Variants in RCOR1 observed in about 807,000 individuals in gnomAD.
The protein encoded by RCOR1 is REST corepressor 1.
In RCOR1, 12 loss-of-function variants were observed where a neutral mutation model predicts 64.0. The observed-to-expected ratio is 0.19, with a 90% confidence interval of 0.12 to 0.30. The LOEUF (loss-of-function observed/expected upper bound fraction) is 0.30, where lower values mean the gene tolerates loss of function less well. Ranked by LOEUF, RCOR1 falls within the 10% of genes least tolerant of loss-of-function variation. The probability of loss-of-function intolerance (pLI) is 1.00; values close to 1 mark genes in which losing one functional copy is unlikely to be tolerated. For missense variants in RCOR1, 502 were observed against 621.2 expected, an observed-to-expected ratio of 0.81 and a Z score of 2.04; for synonymous variants, 279 against 227.2, an observed-to-expected ratio of 1.23 and a Z score of -2.05.
chr14:102,599,188 A>G (rs1279039212), intron 2 of RCOR1, among the ~76,000 whole-genome samples: 1 of 150,728 alleles, frequency 6.6e-6, no homozygotes, highest in African/African-American at 2.4e-5. Flanking sequence ...TAGTGGTGTG[A>G]TCATGGCGGC....
chr14:102,652,978 GC>G (rs1403606227), intron 2 of RCOR1, among the ~76,000 whole-genome samples: 1 of 152,068 alleles, frequency 6.6e-6, no homozygotes, highest in Non-Finnish European at 1.5e-5. Flanking sequence ...TTGTCGCCAG[GC>G]TGGAGTGCAG....
Position 102,592,724 on chromosome 14 carries a change from G to C in RCOR1, c.-163G>C. The C allele has an allele frequency of 1.6e-6, 2 of 1,225,010 alleles. No homozygotes were observed. Among genetic ancestry groups the C allele is most frequent in the Non-Finnish European group, 2.0e-6 (2 of 983,868 alleles). The allele number at this position is 1,225,010 out of a possible 1,614,324, so 75.9% of individuals were successfully genotyped here. ...GTCGCTGGGGGCTTGAAGCGGCTCC[G>C]CGCTCTGCCCGTTTGGGCCTCCCCC... On this transcript the variant is annotated 5_prime_UTR_variant, in exon 1 of 12. Coordinates refer to ENST00000262241, the MANE Select transcript of RCOR1 (RefSeq NM_015156.4).
At chr14:102,595,606 C>T (rs376062353) in intron 2 of RCOR1, among the ~76,000 whole-genome samples, 93 of 147,842 alleles carry the variant, frequency 6.3e-4, no homozygotes, top group African/African-American at 2.2e-3. Context: ...GAGACGGAGT[C>T]TTGCTCTGTC....
chr14:102,602,529 G>T (rs543627648), intron 2 of RCOR1, among the ~76,000 whole-genome samples: 1 of 151,364 alleles, frequency 6.6e-6, no homozygotes, highest in South Asian at 2.1e-4. Flanking sequence ...TCAGCCTCCC[G>T]TGTAGCTAGG....
At chr14:102,632,775 C>T (rs1478227717) in intron 2 of RCOR1, among the ~76,000 whole-genome samples, 1 of 94,110 alleles carries the variant, frequency 1.1e-5, no homozygotes, top group Non-Finnish European at 2.2e-5. Flanking sequence ...CTCCCCTCTC[C>T]TCCCCTCTCC....
At chr14:102,623,699 C>T (rs1049189184) in intron 2 of RCOR1, among the ~76,000 whole-genome samples, 11 of 151,544 alleles carry the variant, frequency 7.3e-5, no homozygotes, top group African/African-American at 2.4e-4. Context: ...TGAGCCACAG[C>T]GCCTGGCCAA....
At chr14:102,662,424 GTGTCTTGT>G in intron 2 of RCOR1, 1 of 558,004 alleles carries the variant, frequency 1.8e-6, no homozygotes. Context: ...ATGAACACAA[GTGTCTTGT>G]TGTCCTCGCT....
Position 102,593,015 on chromosome 14 carries a change from C to T in RCOR1, c.129C>T (p.Ala43=), listed in dbSNP as rs1893162804. ...AASAACASPA[A]TAASGAAASS... Reference sequence around the variant, plus strand: ...CGGCCGCCTGCGCCTCGCCAGCCGCCACTGCCGCCTCGGGCGCCGCCGCCT... The same window carrying T: ...CGGCCGCCTGCGCCTCGCCAGCCGCTACTGCCGCCTCGGGCGCCGCCGCCT... The change falls in exon 1 of 12, where the codon GCC becomes GCT. Residue 43 remains alanine (A), a synonymous_variant. Transcript: ENST00000262241. The T allele has an allele frequency of 8.2e-7, 1 of 1,226,846 alleles. No individual in the cohort carries two copies. Among genetic ancestry groups the T allele is most frequent in the Non-Finnish European group, 1.0e-6 (1 of 979,700 alleles). The allele number at this position is 1,226,846 out of a possible 1,614,324, so 76.0% of individuals were successfully genotyped here. A position where few individuals can be genotyped will look rare whatever the true frequency, so the allele number is the denominator to read the frequency against.
intron 8 of RCOR1, among the ~76,000 whole-genome samples, chr14:102,720,010 A>G (rs1342015632): frequency 1.3e-5 from 2 of 152,254 alleles, no homozygotes; most frequent in East Asian, 1.9e-4. Flanking sequence ...TGTAATGTCT[A>G]GCATGGCAGC....
chr14:102,695,658 G>C (rs1296817627), intron 3 of RCOR1, among the ~76,000 whole-genome samples: 1 of 151,820 alleles, frequency 6.6e-6, no homozygotes, highest in Admixed American at 6.6e-5. Flanking sequence ...CAATTCTCCT[G>C]CTTCAGCCTC....
chr14:102,620,253 C>CACACA (rs201786851), intron 2 of RCOR1, among the ~76,000 whole-genome samples: 1 of 151,012 alleles, frequency 6.6e-6, no homozygotes, highest in Non-Finnish European at 1.5e-5. Context: ...ACACACACAC[C>CACACA]CCCCCACACC....
chr14:102,617,753 C>T (rs1188011336), intron 2 of RCOR1, among the ~76,000 whole-genome samples: 1 of 151,828 alleles, frequency 6.6e-6, no homozygotes, highest in African/African-American at 2.4e-5. Context: ...CCATACCTGG[C>T]TAATTTTTGT....
chr14:102,700,323 G>A (rs1895732078), intron 3 of RCOR1, among the ~76,000 whole-genome samples: 1 of 152,162 alleles, frequency 6.6e-6, no homozygotes, highest in African/African-American at 2.4e-5. Context: ...CCGGGTTCAA[G>A]CGATTCTCCT....
rs1381468363 is a variant in RCOR1, at chr14:102,678,301, T to TTCTG, written c.362-3593_362-3592insCTGT. Among the ~76,000 whole-genome samples the TTCTG allele has an allele frequency of 2.0e-5, 3 of 151,970 alleles. No individual in the cohort carries two copies. The East Asian group carries it at 5.8e-4, about 29-fold the overall frequency. Reference sequence around the variant, plus strand: ...GCTGCCTATGTGTGCAGGTGCTTTTTTTTGTTTGTTTGTTTTGAGGTGGTG... The same window carrying TTCTG: ...GCTGCCTATGTGTGCAGGTGCTTTTTTCTGTTTGTTTGTTTGTTTTGAGGTGGTG... On this transcript the variant is annotated intron_variant, in intron 2 of 11. Coordinates refer to ENST00000262241, the MANE Select transcript of RCOR1 (RefSeq NM_015156.4).
chr14:102,630,942 T>TA (rs1347639352), intron 2 of RCOR1, among the ~76,000 whole-genome samples: 1 of 152,096 alleles, frequency 6.6e-6, no homozygotes, highest in Non-Finnish European at 1.5e-5. Context: ...TTTTCTTGGT[T>TA]ACTGTGTAGT....
At chr14:102,613,737 T>A (rs1349735738) in intron 2 of RCOR1, among the ~76,000 whole-genome samples, 2 of 149,356 alleles carry the variant, frequency 1.3e-5, no homozygotes, top group African/African-American at 4.9e-5. Context: ...TTTTTTTTTT[T>A]AAAGAGGTGG....
chr14:102,653,369 C>A (rs2139931428), intron 2 of RCOR1, among the ~76,000 whole-genome samples: 1 of 152,282 alleles, frequency 6.6e-6, no homozygotes, highest in East Asian at 1.9e-4. Flanking sequence ...CAGGCACTCG[C>A]TACCGTGCCC....
At chr14:102,649,622 C>A in intron 2 of RCOR1, 1 of 176,254 alleles carries the variant, frequency 5.7e-6, no homozygotes, top group Non-Finnish European at 1.1e-5. Context: ...CCACTATGCA[C>A]TGCCAAGTGT....
chr14:102,696,812 T>TC, intron 3 of RCOR1, among the ~76,000 whole-genome samples: 1 of 143,624 alleles, frequency 7.0e-6, no homozygotes, highest in Non-Finnish European at 1.5e-5. Flanking sequence ...GCTTATCTTT[T>TC]TTTTTTTTTT....
Sources: gnomAD v4.1 joint callset for allele counts (sites outside exome capture counted in the v4.1 genomes callset) on GRCh38, gnomAD v4.1.1 for gene constraint, MANE v1.5 for transcripts, NCBI Gene and HGNC (gene_info 2026-07-23, HGNC 2026-07-21) for gene names.